The following CLNK variants were observed in gnomAD, a reference collection of about 807,000 sequenced individuals.
CLNK encodes the protein cytokine dependent hematopoietic cell linker.
Under a neutral mutation model 68.6 loss-of-function variants are expected in CLNK, and 74 were observed. The observed-to-expected ratio is 1.08, with a 90% CI of 0.89 to 1.31. The LOEUF (loss-of-function observed/expected upper bound fraction) is 1.31, where lower values mean the gene tolerates loss of function less well. Ranked by LOEUF, CLNK falls within the 50% of genes most tolerant of loss-of-function variation. The pLI is 0.00. For missense variants in CLNK, 553 were observed against 515.3 expected (o/e 1.07, Z -0.71); for synonymous variants, 198 against 172.2 (o/e 1.15, Z -1.17).
At chr4:10,578,928 G>C (rs1720679439) in intron 4 of CLNK, among the ~76,000 whole-genome samples, 1 of 152,092 alleles carries the variant, frequency 6.6e-6, no homozygotes, top group Non-Finnish European at 1.5e-5. Context: ...AGCTAAATTA[G>C]ATAAGTTTAT....
At chr4:10,701,890 A>G in the CLNK span, among the ~76,000 whole-genome samples, 1 of 152,226 alleles carries the variant, frequency 6.6e-6, no homozygotes, top group South Asian at 2.1e-4. Flanking sequence ...AGTGGGAGAA[A>G]GCGTGGTTAG....
intron 7 of CLNK, among the ~76,000 whole-genome samples, chr4:10,562,101 C>CTTTTTTTTTTTTTTTTT (rs11345903): frequency 1.5e-5 from 2 of 129,290 alleles, no homozygotes; most frequent in Admixed American, 8.1e-5. Context: ...TTTTTCTTTT[C>CTTTTTTTTTTTTTTTTT]TTTTTTTTTT....
the CLNK span, among the ~76,000 whole-genome samples, chr4:10,710,907 C>T: frequency 4.6e-5 from 7 of 152,158 alleles, no homozygotes; most frequent in African/African-American, 7.2e-5. Context: ...ATTGTGGAAT[C>T]GGATAGGTAG....
chr4:10,550,484 G>A (rs1163270637), intron 8 of CLNK, among the ~76,000 whole-genome samples: 5 of 152,092 alleles, frequency 3.3e-5, no homozygotes, highest in African/African-American at 1.2e-4. Flanking sequence ...GGCACAGGGA[G>A]ACTCTGTCTC....
chr4:10,716,686 CTTT>C, the CLNK span, among the ~76,000 whole-genome samples: 3 of 132,914 alleles, frequency 2.3e-5, no homozygotes, highest in Admixed American at 1.6e-4. Flanking sequence ...AGACAGAAAA[CTTT>C]TTTTTTTTTT....
At chr4:10,520,749 G>A (rs768158881) in intron 15 of CLNK, 42 bp downstream of exon 15, 45 of 1,495,756 alleles carry the variant, frequency 3.0e-5, no homozygotes, top group East Asian at 2.1e-4. Context: ...TCACAGTATC[G>A]TGACTTACCT....
the CLNK span, among the ~76,000 whole-genome samples, chr4:10,721,381 G>A: frequency 3.9e-5 from 6 of 152,176 alleles, no homozygotes; most frequent in Admixed American, 2.0e-4. Flanking sequence ...AAAACTGCAT[G>A]AGACTCTACA....
chr4:10,559,871 G>A (rs1719819312), intron 7 of CLNK, among the ~76,000 whole-genome samples: 1 of 152,114 alleles, frequency 6.6e-6, no homozygotes, highest in African/African-American at 2.4e-5. Flanking sequence ...TTTCAGTTTG[G>A]GTACTACTGA....
chr4:10,676,427 C>A (rs1422989126), intron 1 of CLNK, among the ~76,000 whole-genome samples: 1 of 129,874 alleles, frequency 7.7e-6, no homozygotes, highest in Non-Finnish European at 1.6e-5. Context: ...AGGGAGAGTG[C>A]TTTCCTAGTT....
At chr4:10,537,192 C>G (rs1718791225) in intron 11 of CLNK, among the ~76,000 whole-genome samples, 1 of 152,158 alleles carries the variant, frequency 6.6e-6, no homozygotes, top group South Asian at 2.1e-4. Flanking sequence ...AAAATACAGC[C>G]TCTGGCTGGG....
chr4:10,596,129 GA>G (rs1721374131), intron 3 of CLNK, among the ~76,000 whole-genome samples: 1 of 152,188 alleles, frequency 6.6e-6, no homozygotes, highest in African/African-American at 2.4e-5. Flanking sequence ...GGGTTCAAGT[GA>G]TTCTCCTGCC....
chr4:10,528,094 C>T lies in CLNK; in HGVS notation c.631G>A (p.Val211Ile), dbSNP rs371086220. ...AATTCACCTTTTTCTGCTTCAAGGA[C>T]CTGTATTGAATTAAAAAAAATAAAA... ...SQISLRDLSE[V>I]LEAEKVPHNQ... The change falls in exon 13 of 19, where the codon GTC becomes ATC. Residue 211 changes from valine to isoleucine, a missense_variant and splice_region_variant. Physicochemically the swap from Val to Ile is conservative, Grantham distance 29. Coordinates refer to ENST00000226951, the MANE Select transcript of CLNK (RefSeq NM_052964.4). 316 of 1,330,166 alleles carry T rather than the reference C, an allele frequency of 2.4e-4. No homozygotes were observed. Among genetic ancestry groups the T allele is most frequent in the Non-Finnish European group, 2.9e-4 (292 of 1,017,614 alleles). 82.4% of individuals were successfully genotyped at this position (1,330,166 alleles called of 1,614,324 possible). A position where few individuals can be genotyped will look rare whatever the true frequency, so the allele number is the denominator to read the frequency against.
chr4:10,614,370 G>A (rs1404702555), intron 2 of CLNK, among the ~76,000 whole-genome samples: 1 of 152,154 alleles, frequency 6.6e-6, no homozygotes, highest in Non-Finnish European at 1.5e-5. Flanking sequence ...GTAAGGCTGA[G>A]TTTTCATCCT....
intron 1 of CLNK, among the ~76,000 whole-genome samples, chr4:10,679,657 AC>A (rs1465350010): frequency 6.6e-6 from 1 of 152,240 alleles, no homozygotes; most frequent in Non-Finnish European, 1.5e-5. Flanking sequence ...ATGAACTCAA[AC>A]AAATTTACAA....
At chr4:10,670,499 G>A (rs915499369) in intron 1 of CLNK, among the ~76,000 whole-genome samples, 4 of 152,218 alleles carry the variant, frequency 2.6e-5, no homozygotes, top group African/African-American at 9.6e-5. Context: ...GGGGACCACA[G>A]ATGCAGAACA....
chr4:10,661,990 A>G (rs923068040), intron 2 of CLNK, among the ~76,000 whole-genome samples: 3 of 152,178 alleles, frequency 2.0e-5, no homozygotes, highest in Non-Finnish European at 4.4e-5. Flanking sequence ...TTTGTTTACC[A>G]TCAAAACTCT....
chr4:10,564,746 A>C lies in CLNK; in HGVS notation c.324T>G (p.Thr108=). ...DTHYFKVAMD[T]PLPLDTRTSI... ...AGGTCCTGGTGTCTAACGGAAGGGG[A>C]GTGTCCATTGCAACCTTGAAATAGT... is the stretch of plus-strand genomic sequence containing the variant. The change falls in exon 7 of 19, where the codon ACT becomes ACG. Residue 108 remains threonine (T), a synonymous_variant. Transcript: ENST00000226951. The C allele has an allele frequency of 2.5e-6, 4 of 1,613,168 alleles. No homozygotes were observed. The highest frequency in any genetic ancestry group is 2.5e-6 in the Non-Finnish European group (3 of 1,179,178).
intron 3 of CLNK, among the ~76,000 whole-genome samples, chr4:10,585,207 A>G (rs1157667879): frequency 1.3e-5 from 2 of 152,218 alleles, no homozygotes; most frequent in African/African-American, 4.8e-5. Context: ...TATGTTGGTT[A>G]TTCTCATGTA....
At chr4:10,600,569 G>A (rs1487410959) in intron 2 of CLNK, among the ~76,000 whole-genome samples, 1 of 152,148 alleles carries the variant, frequency 6.6e-6, no homozygotes, top group African/African-American at 2.4e-5. Flanking sequence ...TTGCATTGGA[G>A]CCTTGCAAGG....
Sources: allele counts gnomAD v4.1 joint callset (sites outside exome capture counted in the v4.1 genomes callset), GRCh38; gene constraint gnomAD v4.1.1; transcripts MANE v1.5; gene names NCBI Gene and HGNC (gene_info 2026-07-23, HGNC 2026-07-21).